EXPH5: variants seen among roughly 807,000 people sequenced by gnomAD.
EXPH5 encodes the protein exophilin 5, also known as exophilin-5.
A neutral mutation model predicts 41.1 loss-of-function variants in EXPH5; 42 were observed. The ratio of observed to expected loss-of-function variants is 1.02; its 90% CI spans 0.80 to 1.32. The LOEUF (loss-of-function observed/expected upper bound fraction) is 1.32, where lower values mean the gene tolerates loss of function less well. EXPH5 is among the 40% of genes most tolerant of loss of function. The pLI, the probability that EXPH5 is intolerant of heterozygous loss-of-function variation, is 0.00. For synonymous variants in EXPH5, 798 were observed against 833.5 expected (o/e 0.96, Z 0.73); for missense variants, 2,298 against 2,314.5 (o/e 0.99, Z 0.15).
In EXPH5 at chr11:108,518,364, T is replaced by C; in HGVS notation, c.502A>G (p.Ile168Val). Residue 168 changes from isoleucine to valine, a missense_variant, in exon 5 of 6, where the codon ATA becomes GTA. Physicochemically the swap from Ile to Val is conservative, Grantham distance 29 (BLOSUM62 3). Coordinates refer to ENST00000265843, the MANE Select transcript of EXPH5 (RefSeq NM_015065.3). The stretch of plus-strand genomic sequence containing the variant: ...TGATTTTCCAGAGGTGAATTGTATA[T>C]TTTTGCCTGCTAATTTTAAAGCAGA... Reference protein sequence around the residue: ...PVRGAAVQAKIYNSPLENHLV... With the variant: ...PVRGAAVQAKVYNSPLENHLV... 6.2e-7 allele frequency: 1 copy of C among 1,613,524 alleles called. No homozygotes were observed. The highest frequency in any genetic ancestry group is 8.5e-7 in the Non-Finnish European group (1 of 1,179,828).
intron 1 of EXPH5, among the ~76,000 whole-genome samples, chr11:108,593,119 G>C (rs1309057745): frequency 6.6e-6 from 1 of 152,202 alleles, no homozygotes; most frequent in Admixed American, 6.5e-5. Flanking sequence ...CAGACACCCG[G>C]CACAGCACAG....
chr11:108,532,366 ATTTTTTTTTTTTTTT>A (rs1168217383), intron 3 of EXPH5, among the ~76,000 whole-genome samples: 3 of 32,142 alleles, frequency 9.3e-5, no homozygotes, highest in African/African-American at 6.1e-4. Context: ...ATATATATAT[ATTTTTTTTTTTTTTT>A]TTTTTTTTTT....
At position 108,510,701 on chromosome 11, in the gene EXPH5, G is replaced by T; in HGVS notation, c.4806C>A (p.Ser1602Arg). 6.2e-7 allele frequency: 1 copy of T among 1,614,154 alleles called. No individual in the cohort carries two copies. Among genetic ancestry groups the T allele is most frequent in the Non-Finnish European group, 8.5e-7 (1 of 1,180,016 alleles). Residue 1602 changes from serine (S) to arginine (R), a missense_variant, in exon 6 of 6, where the codon AGC becomes AGA. Coordinates refer to ENST00000265843, the MANE Select transcript of EXPH5 (RefSeq NM_015065.3). ...KHRLAAMSKA[S>R]RKFPAKDVSP... ...TTACATCTTTAGCTGGGAATTTTCT[G>T]CTGGCTTTAGACATGGCTGCCAATC... is the stretch of plus-strand genomic sequence containing the variant.
intron 1 of EXPH5, among the ~76,000 whole-genome samples, chr11:108,564,702 T>G (rs2094027107): frequency 6.6e-6 from 1 of 152,170 alleles, no homozygotes; most frequent in Non-Finnish European, 1.5e-5. Context: ...TCACACCAAA[T>G]TACCCTGGAA....
Position 108,510,194 on chromosome 11 carries a change from G to T in EXPH5, c.5313C>A (p.Ala1771=). Residue 1771 remains alanine, a synonymous_variant, in exon 6 of 6, where the codon GCC becomes GCA. Coordinates refer to ENST00000265843, the MANE Select transcript of EXPH5 (RefSeq NM_015065.3). The part of the protein sequence containing the change: ...AQKSRVSSPL[A]SFLQQQRSAS... Reference sequence around the variant, plus strand: ...CACTCCTTTGTTGCTGCAGAAAACTGGCCAGTGGACTGCTTACTCTAGATT... The same window carrying T: ...CACTCCTTTGTTGCTGCAGAAAACTTGCCAGTGGACTGCTTACTCTAGATT... 1 of 1,614,052 alleles carries T rather than the reference G, an allele frequency of 6.2e-7. No individual in the cohort carries two copies. The highest frequency in any genetic ancestry group is 8.5e-7 in the Non-Finnish European group (1 of 1,180,006).
At chr11:108,590,129 C>A (rs1245801732) in intron 1 of EXPH5, among the ~76,000 whole-genome samples, 3 of 152,144 alleles carry the variant, frequency 2.0e-5, no homozygotes, top group Non-Finnish European at 4.4e-5. Context: ...ATAGATATTG[C>A]CATAATGCTC....
At chr11:108,559,091 C>T (rs1279282839) in intron 1 of EXPH5, among the ~76,000 whole-genome samples, 2 of 152,086 alleles carry the variant, frequency 1.3e-5, no homozygotes, top group Non-Finnish European at 2.9e-5. Flanking sequence ...TTTATTCAAC[C>T]CATGCCTAGA....
rs1307714391 is a variant in EXPH5, at chr11:108,513,203, C to CT, written c.2303dup (p.Ser769ValfsTer20). 2 of 1,613,904 alleles carry CT rather than the reference C, an allele frequency of 1.2e-6. No individual in the cohort carries two copies. Among genetic ancestry groups the CT allele is most frequent in the African/African-American group, 1.3e-5 (1 of 74,880 alleles). ...CTTTCCTGGAAAAGACTCTGGGTGACTTTTTTGAACTTATTATGGTAGATG... is the reference window on the plus strand; with the variant it reads ...CTTTCCTGGAAAAGACTCTGGGTGACTTTTTTTGAACTTATTATGGTAGATG... On this transcript the variant is annotated frameshift_variant, in exon 6 of 6. Transcript: ENST00000265843. LOFTEE classifies it low-confidence loss of function (END_TRUNC).
rs1316561754 is a variant in EXPH5 at position 108,512,760 on chromosome 11, G to A, written c.2747C>T (p.Pro916Leu). ...TTTTTCTTCTCTTTCTCCTAGCGAT[G>A]GATCTTTGTCTGAAGGACTTCTCCT... Reference protein sequence around the residue: ...FSRRSPSDKDPSLGEREEKDN... With the variant: ...FSRRSPSDKDLSLGEREEKDN... Residue 916 changes from proline to leucine, a missense_variant, in exon 6 of 6, where the codon CCA becomes CTA. Physicochemically the swap from Pro to Leu is moderately conservative, Grantham distance 98. Coordinates refer to ENST00000265843, the MANE Select transcript of EXPH5 (RefSeq NM_015065.3). The A allele has an allele frequency of 2.5e-6, 4 of 1,613,614 alleles. No individual in the cohort carries two copies. The African/African-American group carries it at 5.3e-5, about 22-fold the overall frequency.
rs2093645642 is a variant in EXPH5, at chr11:108,506,683, G to A, written c.*2854C>T. The A allele has an allele frequency of 1.3e-5, 2 of 152,134 alleles. No individual in the cohort carries two copies. Among genetic ancestry groups the A allele is most frequent in the African/African-American group, 4.8e-5 (2 of 41,414 alleles). The allele number at this position is 152,134 out of a possible 1,614,324, so 9.4% of individuals were successfully genotyped here. Reference sequence around the variant, plus strand: ...AAAATGTAGGTCATGGTTTATTAAAGTTTTACTTAAATAATCAGATAAATA... The same window carrying A: ...AAAATGTAGGTCATGGTTTATTAAAATTTTACTTAAATAATCAGATAAATA... On this transcript the variant is annotated 3_prime_UTR_variant, in exon 6 of 6. Transcript: ENST00000265843.
At chr11:108,600,541 T>C in the EXPH5 span, among the ~76,000 whole-genome samples, 5 of 152,334 alleles carry the variant, frequency 3.3e-5, no homozygotes, top group Admixed American at 1.3e-4. Flanking sequence ...CTAAATAGAA[T>C]TTGATAATTT....
Position 108,509,608 on chromosome 11 carries a change from C to CCAG in EXPH5, c.5898_5899insCTG (p.Ser1966_Asp1967insLeu). On this transcript the variant is annotated inframe_insertion, in exon 6 of 6. Coordinates refer to ENST00000265843, the MANE Select transcript of EXPH5 (RefSeq NM_015065.3). ...TCTGTGGTTGTGTCTGTGTCACAAT[C>CCAG]TGAGTCCACTGGGTCATCCTCATAG... 6.2e-7 allele frequency: 1 copy of CCAG among 1,607,194 alleles called. No individual in the cohort carries two copies. Among genetic ancestry groups the CCAG allele is most frequent in the Non-Finnish European group, 8.5e-7 (1 of 1,177,786 alleles).
chr11:108,520,354 A>G (rs945448466), intron 4 of EXPH5, among the ~76,000 whole-genome samples: 2 of 152,054 alleles, frequency 1.3e-5, no homozygotes, highest in African/African-American at 4.8e-5. Context: ...CCTGGTGCCA[A>G]AAACGGTGGG....
intron 1 of EXPH5, among the ~76,000 whole-genome samples, chr11:108,569,691 G>A (rs900654123): frequency 6.6e-6 from 1 of 152,160 alleles, no homozygotes; most frequent in Non-Finnish European, 1.5e-5. Flanking sequence ...AGCTTACAAA[G>A]AACATTTGTA....
chr11:108,540,287 C>T (rs2093905734), intron 2 of EXPH5, among the ~76,000 whole-genome samples: 1 of 152,170 alleles, frequency 6.6e-6, no homozygotes, highest in South Asian at 2.1e-4. Flanking sequence ...CATGCCACTA[C>T]ACTGCAGCCT....
At chr11:108,594,257 A>G (rs1182599347), upstream of EXPH5, among the ~76,000 whole-genome samples, 1 of 152,196 alleles carries the variant, frequency 6.6e-6, no homozygotes, top group African/African-American at 2.4e-5. Context: ...CTCATCCCAC[A>G]GACACCCCCA....
At chr11:108,556,125 A>C (rs1276875055) in intron 1 of EXPH5, among the ~76,000 whole-genome samples, 2 of 152,254 alleles carry the variant, frequency 1.3e-5, no homozygotes, top group Non-Finnish European at 2.9e-5. Flanking sequence ...GGTTTTTACA[A>C]GATAGCTTGA....
chr11:108,546,968 A>G (rs2093941281), intron 1 of EXPH5, among the ~76,000 whole-genome samples: 1 of 151,380 alleles, frequency 6.6e-6, no homozygotes, highest in African/African-American at 2.4e-5. Flanking sequence ...ACGCCCAGCT[A>G]ATTTTTGTAT....
intron 3 of EXPH5, among the ~76,000 whole-genome samples, chr11:108,534,473 T>G (rs550405988): frequency 3.9e-4 from 60 of 152,346 alleles, no homozygotes; most frequent in African/African-American, 1.4e-3. Context: ...CCTCACCTTG[T>G]ACTGGGTCAT....
Sources: gnomAD v4.1 joint callset for allele counts (sites outside exome capture counted in the v4.1 genomes callset) on GRCh38, gnomAD v4.1.1 for gene constraint, MANE v1.5 for transcripts, NCBI Gene and HGNC (gene_info 2026-07-23, HGNC 2026-07-21) for gene names.